The following ONECUT3 variants were observed in gnomAD, a reference collection of about 807,000 sequenced individuals.
The protein encoded by ONECUT3 is one cut homeobox 3, also known as one cut domain family member 3.
Under a neutral mutation model 16.8 loss-of-function variants are expected in ONECUT3, and 11 were observed. The ratio of observed to expected loss-of-function variants is 0.66; its 90% confidence interval spans 0.41 to 1.09. The LOEUF (loss-of-function observed/expected upper bound fraction) is 1.09, where lower values mean the gene tolerates loss of function less well. ONECUT3 is among the 50% of genes least tolerant of loss of function. The probability of loss-of-function intolerance (pLI) is 0.00; values close to 1 mark genes in which losing one functional copy is unlikely to be tolerated. For synonymous variants in ONECUT3, 344 were observed against 310.7 expected, an observed-to-expected ratio of 1.11 and a Z score of -1.13; for missense variants, 637 against 629.9, an observed-to-expected ratio of 1.01 and a Z score of -0.12.
intron 1 of ONECUT3, among the ~76,000 whole-genome samples, chr19:1,772,949 C>T (rs557412965): frequency 4.0e-5 from 6 of 150,352 alleles, no homozygotes; most frequent in East Asian, 2.0e-4. Flanking sequence ...GTGATCCGCC[C>T]GCCTCGGCCT....
rs2067931016 is a variant in ONECUT3, at chr19:1,758,736, T to C, written c.1192+3882T>C. 6.9e-6 allele frequency among the ~76,000 whole-genome samples: 1 copy of C among 145,540 alleles called. No individual in the cohort carries two copies. The highest frequency in any genetic ancestry group is 6.8e-5 in the Admixed American group (1 of 14,806). ...TGGTCAAAGCTCTCCCCTGGCGCCG[T>C]CTCCAACAGTAATTATGGGAGAGGG... On this transcript the variant is annotated intron_variant, in intron 1 of 1. Coordinates refer to ENST00000382349, the MANE Select transcript of ONECUT3 (RefSeq NM_001080488.2). The surrounding 1 kb of genome is among the most constrained non-coding windows in gnomAD (Gnocchi z 5.9).
chr19:1,757,986 G>A (rs1042274601), intron 1 of ONECUT3, among the ~76,000 whole-genome samples: 1 of 152,234 alleles, frequency 6.6e-6, no homozygotes, highest in African/African-American at 2.4e-5. Flanking sequence ...CCTCCTCCAA[G>A]GAGAACTTTG....
At position 1,754,919 on chromosome 19, in the gene ONECUT3, G is replaced by A; in HGVS notation, c.1192+65G>A. The A allele has an allele frequency of 5.4e-6, 7 of 1,288,516 alleles. No individual in the cohort carries two copies. In the South Asian group the frequency reaches 1.3e-4, roughly 25 times the overall value. The allele number at this position is 1,288,516 out of a possible 1,614,324, so 79.8% of individuals were successfully genotyped here. A position where few individuals can be genotyped will look rare whatever the true frequency, so the allele number is the denominator to read the frequency against. On this transcript the variant is annotated intron_variant, in intron 1 of 1. Transcript: ENST00000382349. This position sits in a 1 kb window ranked among gnomAD's most constrained non-coding sequence, Gnocchi z 7.4. The stretch of plus-strand genomic sequence containing the variant: ...GGCTCTGGACTCCCGAGCACCTAGC[G>A]GGGCGGCGGCCGATGCCCGGGGCCA...
Position 1,753,527 on chromosome 19 carries a change from C to T in ONECUT3, c.-136C>T, listed in dbSNP as rs1412351373. 1 of 257,886 alleles carries T rather than the reference C, an allele frequency of 3.9e-6. No individual in the cohort carries two copies. The highest frequency in any genetic ancestry group is 6.2e-6 in the Non-Finnish European group (1 of 160,590). 16.0% of individuals were successfully genotyped at this position (257,886 alleles called of 1,614,324 possible). A position where few individuals can be genotyped will look rare whatever the true frequency, so the allele number is the denominator to read the frequency against. On this transcript the variant is annotated 5_prime_UTR_variant, in exon 1 of 2. Coordinates refer to ENST00000382349, the MANE Select transcript of ONECUT3 (RefSeq NM_001080488.2). ...TGCCACATCCTGGTGGCCGCGCTCG[C>T]AGCCGGGCCGGGCCGTGCGCCGCGC... is the stretch of plus-strand genomic sequence containing the variant.
At position 1,766,348 on chromosome 19, in the gene ONECUT3, G is replaced by A. The variant is rs1341644564; in HGVS notation, c.1193-8805G>A. On this transcript the variant is annotated intron_variant, in intron 1 of 1. Coordinates refer to ENST00000382349, the MANE Select transcript of ONECUT3 (RefSeq NM_001080488.2). The surrounding 1 kb of genome is among the most constrained non-coding windows in gnomAD (Gnocchi z 4.0). ...CGCGCGCAGAGGCACCCACGGGCCC[G>A]CCTTCAGGGGCGAGGCGGATGCTGC... Among the ~76,000 whole-genome samples, 2 of 152,160 alleles carry A rather than the reference G, an allele frequency of 1.3e-5. No homozygotes were observed. Among genetic ancestry groups the A allele is most frequent in the African/African-American group, 2.4e-5 (1 of 41,426 alleles).
intron 1 of ONECUT3, among the ~76,000 whole-genome samples, chr19:1,771,927 C>T (rs2068058631): frequency 6.6e-6 from 1 of 152,296 alleles, no homozygotes; most frequent in African/African-American, 2.4e-5. Context: ...GATCCTCCCA[C>T]CTCAGCCTCC....
chr19:1,768,198 G>A (rs879680384), intron 1 of ONECUT3, among the ~76,000 whole-genome samples: 30 of 152,044 alleles, frequency 2.0e-4, no homozygotes, highest in Non-Finnish European at 3.7e-4. Flanking sequence ...GGGGTGACAG[G>A]GAGAGTTGTG....
In ONECUT3 at chr19:1,754,200, T is replaced by C; in HGVS notation, c.538T>C (p.Ser180Pro). ...GCGCGACGAGCGGGCGGCGCTCGCCTCCGTGGGCCACCTCTACGGACCCTA... is the reference window on the plus strand; with the variant it reads ...GCGCGACGAGCGGGCGGCGCTCGCCCCCGTGGGCCACCTCTACGGACCCTA... ...LMRDERAALASVGHLYGPYGK... is the reference protein window; with the variant it reads ...LMRDERAALAPVGHLYGPYGK... The change falls in exon 1 of 2, where the codon TCC becomes CCC. Residue 180 changes from serine to proline, a missense_variant. Ser to Pro is a moderately conservative substitution (Grantham distance 74). Transcript: ENST00000382349. This position sits in a 1 kb window ranked among gnomAD's most constrained non-coding sequence, Gnocchi z 7.4. 2 of 1,119,918 alleles carry C rather than the reference T, an allele frequency of 1.8e-6. No individual in the cohort carries two copies. Among genetic ancestry groups the C allele is most frequent in the Non-Finnish European group, 2.2e-6 (2 of 906,680 alleles). 69.4% of individuals were successfully genotyped at this position (1,119,918 alleles called of 1,614,324 possible). A position where few individuals can be genotyped will look rare whatever the true frequency, so the allele number is the denominator to read the frequency against.
chr19:1,775,139 C>CCCCCCCCG lies in ONECUT3; in HGVS notation c.1193-13_1193-12insCCCCCCGC. On this transcript the variant is annotated splice_polypyrimidine_tract_variant and intron_variant, in intron 1 of 1. Coordinates refer to ENST00000382349, the MANE Select transcript of ONECUT3 (RefSeq NM_001080488.2). ...TGTGTCCCGCTCGCCCGCCCGCCCG[C>CCCCCCCCG]CGCTCGCCCGCAGCCTGCAAGCGCA... The CCCCCCCCG allele has an allele frequency of 7.3e-7, 1 of 1,367,570 alleles. No homozygotes were observed. Among genetic ancestry groups the CCCCCCCCG allele is most frequent in the Non-Finnish European group, 9.8e-7 (1 of 1,021,606 alleles). 84.7% of individuals were successfully genotyped at this position (1,367,570 alleles called of 1,614,324 possible).
In ONECUT3 at chr19:1,775,743, C is replaced by T; in HGVS notation, c.*298C>T. The T allele has an allele frequency of 3.5e-6, 1 of 285,414 alleles. No homozygotes were observed. The allele number at this position is 285,414 out of a possible 1,614,324, so 17.7% of individuals were successfully genotyped here. A position where few individuals can be genotyped will look rare whatever the true frequency, so the allele number is the denominator to read the frequency against. The stretch of plus-strand genomic sequence containing the variant: ...TTCCCAGCCCCCTCTCCATTCAGGA[C>T]GCCCAGAGGGCCTCGAGAAAAACCA... On this transcript the variant is annotated 3_prime_UTR_variant, in exon 2 of 2. Transcript: ENST00000382349.
In ONECUT3 at chr19:1,753,885, G is replaced by A; in HGVS notation, c.223G>A (p.Gly75Ser). 6 of 980,470 alleles carry A rather than the reference G, an allele frequency of 6.1e-6. No individual in the cohort carries two copies. The highest frequency in any genetic ancestry group is 6.3e-5 in the Admixed American group (1 of 15,772). The allele number at this position is 980,470 out of a possible 1,614,324, so 60.7% of individuals were successfully genotyped here. A position where few individuals can be genotyped will look rare whatever the true frequency, so the allele number is the denominator to read the frequency against. The change falls in exon 1 of 2, where the codon GGC becomes AGC. Residue 75 changes from glycine to serine, a missense_variant. By Grantham distance (56) the Gly-to-Ser change is moderately conservative. Transcript: ENST00000382349. ...GGGCGCGGGCGGCGCGGGCAGCGCG[G>A]GCGGCGGCGCGGACTTCCGCGGGGA... ...AGGAGGAGSA[G>S]GGADFRGELA...
At position 1,779,166 on chromosome 19, in the gene ONECUT3, TTAGC is replaced by T. The variant is rs1281673678; in HGVS notation, c.*3725_*3728del. The T allele has an allele frequency of 6.6e-6, 1 of 152,226 alleles. No individual in the cohort carries two copies. The highest frequency in any genetic ancestry group is 1.5e-5 in the Non-Finnish European group (1 of 68,044). 9.4% of individuals were successfully genotyped at this position (152,226 alleles called of 1,614,324 possible). On this transcript the variant is annotated 3_prime_UTR_variant, in exon 2 of 2. Transcript: ENST00000382349. Reference sequence around the variant, plus strand: ...AGTTTATGTGATTAAAAAAAAATCCTTAGCTAGTTTTTGGAATACGTGACTTGAA... The same window carrying T: ...AGTTTATGTGATTAAAAAAAAATCCTTAGTTTTTGGAATACGTGACTTGAA...
At chr19:1,773,102 TC>T (rs2068071824) in intron 1 of ONECUT3, among the ~76,000 whole-genome samples, 1 of 152,106 alleles carries the variant, frequency 6.6e-6, no homozygotes, top group Admixed American at 6.5e-5. Context: ...TCTCTAATGG[TC>T]CCTTTTACTT....
rs1165027469 is a variant in ONECUT3 at position 1,777,363 on chromosome 19, C to G, written c.*1918C>G. The G allele has an allele frequency of 6.6e-6, 1 of 152,000 alleles. No individual in the cohort carries two copies. Among genetic ancestry groups the G allele is most frequent in the Non-Finnish European group, 1.5e-5 (1 of 68,022 alleles). The allele number at this position is 152,000 out of a possible 1,614,324, so 9.4% of individuals were successfully genotyped here. A position where few individuals can be genotyped will look rare whatever the true frequency, so the allele number is the denominator to read the frequency against. ...TCACATGCAGGCCCATGCACACACA[C>G]GTGCACACACATGCAGAGACATGCA... On this transcript the variant is annotated 3_prime_UTR_variant, in exon 2 of 2. Transcript: ENST00000382349.
rs539883533 is a variant in ONECUT3 at position 1,778,592 on chromosome 19, G to A, written c.*3147G>A. Reference sequence around the variant, plus strand: ...AAGGCCCCAAGGGTAACACGCTAGGGGGCCTCCAGTTTTGTCCCCTGCTGG... The same window carrying A: ...AAGGCCCCAAGGGTAACACGCTAGGAGGCCTCCAGTTTTGTCCCCTGCTGG... On this transcript the variant is annotated 3_prime_UTR_variant, in exon 2 of 2. Coordinates refer to ENST00000382349, the MANE Select transcript of ONECUT3 (RefSeq NM_001080488.2). 1 of 152,246 alleles carries A rather than the reference G, an allele frequency of 6.6e-6. No individual in the cohort carries two copies. Among genetic ancestry groups the A allele is most frequent in the South Asian group, 2.1e-4 (1 of 4,828 alleles). 9.4% of individuals were successfully genotyped at this position (152,246 alleles called of 1,614,324 possible).
chr19:1,767,845 T>A (rs1373990075), intron 1 of ONECUT3, among the ~76,000 whole-genome samples: 1 of 151,994 alleles, frequency 6.6e-6, no homozygotes, highest in African/African-American at 2.4e-5. Flanking sequence ...TCCCTGTGCA[T>A]GGGCTCAGAT....
In ONECUT3 at chr19:1,758,316, AG is replaced by A. The variant is rs779408276; in HGVS notation, c.1192+3463del. Among the ~76,000 whole-genome samples, 4,622 of 43,940 alleles carry A rather than the reference AG, an allele frequency of 0.11. 181 individuals carry two copies. Among genetic ancestry groups the A allele is most frequent in the African/African-American group, 0.18 (3,526 of 19,412 alleles). The allele number at this position is 43,940 out of a possible 152,430, so 28.8% of individuals were successfully genotyped here. A position where few individuals can be genotyped will look rare whatever the true frequency, so the allele number is the denominator to read the frequency against. ...CAGAGAGACCAAAAAAAAAAAAAAAAGAGAGAGAGAGAGAGAGAGACAGAGA... is the reference window on the plus strand; with the variant it reads ...CAGAGAGACCAAAAAAAAAAAAAAAAAGAGAGAGAGAGAGAGAGACAGAGA... On this transcript the variant is annotated intron_variant, in intron 1 of 1. Transcript: ENST00000382349. The surrounding 1 kb of genome is among the most constrained non-coding windows in gnomAD (Gnocchi z 5.9).
intron 1 of ONECUT3, among the ~76,000 whole-genome samples, chr19:1,772,999 G>A (rs193199347): frequency 1.3e-4 from 19 of 151,572 alleles, no homozygotes; most frequent in African/African-American, 1.9e-4. Flanking sequence ...CACCGCGCCC[G>A]GCCAATATCT....
chr19:1,779,413 G>A lies in ONECUT3; in HGVS notation c.*3968G>A, dbSNP rs2068138071. ...AGAAAGGAAGAGAGAGAGAGAGCGA[G>A]CGCAAGAGAGAGAGAGAGGGAGAGA... On this transcript the variant is annotated 3_prime_UTR_variant, in exon 2 of 2. Coordinates refer to ENST00000382349, the MANE Select transcript of ONECUT3 (RefSeq NM_001080488.2). 6.6e-6 allele frequency: 1 copy of A among 151,810 alleles called. No individual in the cohort carries two copies. Among genetic ancestry groups the A allele is most frequent in the South Asian group, 2.1e-4 (1 of 4,800 alleles). 9.4% of individuals were successfully genotyped at this position (151,810 alleles called of 1,614,324 possible). A position where few individuals can be genotyped will look rare whatever the true frequency, so the allele number is the denominator to read the frequency against.
Sources: allele counts gnomAD v4.1 joint callset (sites outside exome capture counted in the v4.1 genomes callset), GRCh38; gene constraint gnomAD v4.1.1; non-coding constraint Gnocchi (gnomAD v3.1); transcripts MANE v1.5; gene names NCBI Gene and HGNC (gene_info 2026-07-23, HGNC 2026-07-21).